The following C5orf24 variants were observed in gnomAD, a reference collection of about 807,000 sequenced individuals.
The protein encoded by C5orf24 is UPF0461 protein C5orf24.
In C5orf24, 4 loss-of-function variants were observed where a neutral mutation model predicts 9.8. That is an observed-to-expected ratio of 0.41 (90% CI 0.20 to 0.93). The LOEUF is 0.93. Ranked by LOEUF, C5orf24 falls within the 40% of genes least tolerant of loss-of-function variation. The pLI, the probability that C5orf24 is intolerant of heterozygous loss-of-function variation, is 0.33. For synonymous variants in C5orf24, 73 were observed against 81.3 expected (o/e 0.90, Z 0.55); for missense variants, 170 against 236.9 (o/e 0.72, Z 1.85).
At chr5:134,836,737 A>G in the C5orf24 span, among the ~76,000 whole-genome samples, 1 of 144,784 alleles carries the variant, frequency 6.9e-6, no homozygotes. Flanking sequence ...AGAGACAGGG[A>G]TTCACCATAT....
rs145067433 is a variant in C5orf24, at chr5:134,855,431, G to A, written c.531G>A (p.Glu177=). The part of the protein sequence containing the change: ...MMHGRAVHGV[E]ETSSEVKPPN... ...ATGGCAGAGCAGTTCATGGGGTAGA[G>A]GAAACTAGCAGTGAAGTCAAACCAC... The change falls in exon 2 of 2, where the codon GAG becomes GAA. Residue 177 remains glutamate, a synonymous_variant. Coordinates refer to ENST00000394976, the MANE Select transcript of C5orf24 (RefSeq NM_001135586.1). 1 of 1,614,192 alleles carries A rather than the reference G, an allele frequency of 6.2e-7. No homozygotes were observed. Among genetic ancestry groups the A allele is most frequent in the African/African-American group, 1.3e-5 (1 of 75,056 alleles).
rs1756332322 is a variant in C5orf24 at position 134,857,009 on chromosome 5, A to G, written c.*1542A>G. On this transcript the variant is annotated 3_prime_UTR_variant, in exon 2 of 2. Transcript: ENST00000394976. ...CAATGATGTTTGCTTTAGAAGCAAG[A>G]TAGAAAGGAAAAAAAGTATTAGGTA... 9.8e-7 allele frequency: 1 copy of G among 1,016,752 alleles called. No individual in the cohort carries two copies. The highest frequency in any genetic ancestry group is 1.2e-6 in the Non-Finnish European group (1 of 841,294). The allele number at this position is 1,016,752 out of a possible 1,614,324, so 63.0% of individuals were successfully genotyped here.
At chr5:134,850,838 A>G (rs763460093) in intron 1 of C5orf24, among the ~76,000 whole-genome samples, 4 of 151,730 alleles carry the variant, frequency 2.6e-5, no homozygotes, top group South Asian at 2.1e-4. Context: ...AGTCAAGGAT[A>G]GTGGCATTTT....
chr5:134,842,855 T>C (rs565845071), upstream of C5orf24, among the ~76,000 whole-genome samples: 1 of 152,338 alleles, frequency 6.6e-6, no homozygotes, highest in African/African-American at 2.4e-5. Context: ...TTGTCTTCCC[T>C]GTAGCCACCA....
chr5:134,855,395 C>T lies in C5orf24; in HGVS notation c.495C>T (p.Tyr165=). The T allele has an allele frequency of 6.2e-7, 1 of 1,614,178 alleles. No individual in the cohort carries two copies. The highest frequency in any genetic ancestry group is 1.7e-5 in the Admixed American group (1 of 60,016). The change falls in exon 2 of 2, where the codon TAC becomes TAT. Residue 165 remains tyrosine, a synonymous_variant. Transcript: ENST00000394976. ...GYGCGTAAFP[Y]PMMHGRAVHG... ...GCTGTGGCACTGCTGCTTTTCCTTA[C>T]CCTATGATGCATGGCAGAGCAGTTC...
At chr5:134,849,647 C>T (rs79138543) in intron 1 of C5orf24, among the ~76,000 whole-genome samples, 191 of 76,948 alleles carry the variant, frequency 2.5e-3, no homozygotes, top group South Asian at 4.1e-3. Context: ...AAGTCAGTGT[C>T]TTTTTTTTTT....
Position 134,858,574 on chromosome 5 carries a change from A to G in C5orf24, c.*3107A>G, listed in dbSNP as rs988658930. ...TTCACAAAATAGGTTTCATTATTCT[A>G]TATTTAAACTGTTGGTCAGAAAATG... On this transcript the variant is annotated 3_prime_UTR_variant, in exon 2 of 2. Coordinates refer to ENST00000394976, the MANE Select transcript of C5orf24 (RefSeq NM_001135586.1). 1.2e-5 allele frequency: 2 copies of G among 166,970 alleles called. No homozygotes were observed. The highest frequency in any genetic ancestry group is 2.9e-5 in the Non-Finnish European group (2 of 68,086). The allele number at this position is 166,970 out of a possible 1,614,324, so 10.3% of individuals were successfully genotyped here.
At chr5:134,843,229 G>T (rs1052026373), upstream of C5orf24, among the ~76,000 whole-genome samples, 1 of 151,684 alleles carries the variant, frequency 6.6e-6, no homozygotes, top group Non-Finnish European at 1.5e-5. Context: ...CACCTGCCTC[G>T]GCCTCCCAAA....
intron 1 of C5orf24, among the ~76,000 whole-genome samples, chr5:134,850,454 A>G (rs543513782): frequency 6.8e-6 from 1 of 147,198 alleles, no homozygotes; most frequent in Non-Finnish European, 1.5e-5. Flanking sequence ...GCCAAGATGC[A>G]TGCTTTTTAA....
rs528481653 is a variant in C5orf24, at chr5:134,857,393, C to A, written c.*1926C>A. 2 of 1,548,214 alleles carry A rather than the reference C, an allele frequency of 1.3e-6. No individual in the cohort carries two copies. Among genetic ancestry groups the A allele is most frequent in the East Asian group, 4.9e-5 (2 of 40,858 alleles). ...CAAGCCTTCAGGTGTTCCAGTGATG[C>A]CTGACACAATTGAGCTGGACTTTAT... On this transcript the variant is annotated 3_prime_UTR_variant, in exon 2 of 2. Transcript: ENST00000394976.
intron 1 of C5orf24, among the ~76,000 whole-genome samples, chr5:134,847,646 G>C (rs563436273): frequency 6.6e-6 from 1 of 151,080 alleles, no homozygotes; most frequent in African/African-American, 2.4e-5. Flanking sequence ...TACACAACCT[G>C]TTCTATAACT....
chr5:134,848,839 C>G (rs150005053), intron 1 of C5orf24, among the ~76,000 whole-genome samples: 305 of 151,544 alleles, frequency 2.0e-3, no homozygotes, highest in African/African-American at 7.1e-3. Context: ...TGCCTGTAAT[C>G]CCAGCTACTC....
In C5orf24 at chr5:134,857,212, T is replaced by C; in HGVS notation, c.*1745T>C. The C allele has an allele frequency of 7.7e-7, 1 of 1,299,342 alleles. No individual in the cohort carries two copies. The highest frequency in any genetic ancestry group is 9.9e-7 in the Non-Finnish European group (1 of 1,014,410). The allele number at this position is 1,299,342 out of a possible 1,614,324, so 80.5% of individuals were successfully genotyped here. ...TTTGTATTTGGGATTTTAAATGCCTTTGAGATTAAAATGTAGAATTGCAGG... is the reference window on the plus strand; with the variant it reads ...TTTGTATTTGGGATTTTAAATGCCTCTGAGATTAAAATGTAGAATTGCAGG... On this transcript the variant is annotated 3_prime_UTR_variant, in exon 2 of 2. Transcript: ENST00000394976.
At chr5:134,835,792 C>T in the C5orf24 span, among the ~76,000 whole-genome samples, 9 of 151,874 alleles carry the variant, frequency 5.9e-5, no homozygotes, top group Non-Finnish European at 1.0e-4. Context: ...CTCCTATGCT[C>T]AAGTGATCCT....
At chr5:134,851,931 A>G (rs746330940) in intron 1 of C5orf24, among the ~76,000 whole-genome samples, 5 of 152,138 alleles carry the variant, frequency 3.3e-5, no homozygotes, top group Admixed American at 2.6e-4. Flanking sequence ...TAGTGAAATG[A>G]TAATTAATAA....
intron 1 of C5orf24, among the ~76,000 whole-genome samples, chr5:134,848,922 A>G (rs536312823): frequency 2.8e-5 from 4 of 145,424 alleles, no homozygotes; most frequent in South Asian, 2.2e-4. Flanking sequence ...GCACCATTGC[A>G]CTCCAGCCTG....
chr5:134,841,499 A>G (rs1309040796), upstream of C5orf24, among the ~76,000 whole-genome samples: 1 of 152,020 alleles, frequency 6.6e-6, no homozygotes, highest in Non-Finnish European at 1.5e-5. Flanking sequence ...AGATATGAGA[A>G]TCGCTTGAAC....
At chr5:134,848,841 C>T (rs1174199594) in intron 1 of C5orf24, among the ~76,000 whole-genome samples, 2 of 151,268 alleles carry the variant, frequency 1.3e-5, no homozygotes, top group African/African-American at 4.9e-5. Flanking sequence ...CCTGTAATCC[C>T]AGCTACTCAG....
rs1345050208 is a variant in C5orf24 at position 134,858,499 on chromosome 5, A to G, written c.*3032A>G. The G allele has an allele frequency of 6.0e-6, 1 of 166,968 alleles. No individual in the cohort carries two copies. The highest frequency in any genetic ancestry group is 2.4e-5 in the African/African-American group (1 of 41,446). The allele number at this position is 166,968 out of a possible 1,614,324, so 10.3% of individuals were successfully genotyped here. On this transcript the variant is annotated 3_prime_UTR_variant, in exon 2 of 2. Coordinates refer to ENST00000394976, the MANE Select transcript of C5orf24 (RefSeq NM_001135586.1). The stretch of plus-strand genomic sequence containing the variant: ...CTGGCCTTTTCTCCCCCACTGTATG[A>G]TTGTTTCTTGAAAGGTAAATTGCTA...
Sources: gnomAD v4.1 joint callset for allele counts (sites outside exome capture counted in the v4.1 genomes callset) on GRCh38, gnomAD v4.1.1 for gene constraint, MANE v1.5 for transcripts, NCBI Gene and HGNC (gene_info 2026-07-23, HGNC 2026-07-21) for gene names.